The following DMRTB1 variants were observed in gnomAD, a reference collection of about 807,000 sequenced individuals.
The protein encoded by DMRTB1 is doublesex- and mab-3-related transcription factor B1.
In DMRTB1, 9 loss-of-function variants were observed where a neutral mutation model predicts 25.2. That is an observed-to-expected ratio of 0.36 (90% CI 0.22 to 0.62). The LOEUF (loss-of-function observed/expected upper bound fraction) is 0.62, where lower values mean the gene tolerates loss of function less well. Among genes scored for constraint, DMRTB1 ranks in the 20% least tolerant of loss-of-function variants. The pLI, the probability that DMRTB1 is intolerant of heterozygous loss-of-function variation, is 0.71. For synonymous variants in DMRTB1, 269 were observed against 238.1 expected (o/e 1.13, Z -1.20); for missense variants, 551 against 499.3 (o/e 1.10, Z -0.99).
At chr1:53,460,051 C>T (rs768103884) in intron 1 of DMRTB1, 21 bp downstream of exon 1, 4 of 1,541,698 alleles carry the variant, frequency 2.6e-6, no homozygotes, top group South Asian at 1.2e-5. Flanking sequence ...GCCTTGGTCC[C>T]GCGGTCGACT....
intron 1 of DMRTB1, among the ~76,000 whole-genome samples, chr1:53,460,998 C>T (rs1029978020): frequency 2.0e-5 from 3 of 152,204 alleles, no homozygotes; most frequent in African/African-American, 7.2e-5. Flanking sequence ...TCCATCTCAA[C>T]AGACAAGCAG....
chr1:53,461,464 G>A lies in DMRTB1; in HGVS notation c.578-9G>A. ...GTCTAACACTTCCCTCCTTGCTTGC[G>A]TTCTTTAGTGCGCCCTCTGAACATC... On this transcript the variant is annotated splice_polypyrimidine_tract_variant and intron_variant, in intron 1 of 3. Coordinates refer to ENST00000371445, the MANE Select transcript of DMRTB1 (RefSeq NM_033067.3). The A allele has an allele frequency of 1.3e-6, 2 of 1,568,544 alleles. No individual in the cohort carries two copies. The highest frequency in any genetic ancestry group is 1.7e-6 in the Non-Finnish European group (2 of 1,154,726).
intron 3 of DMRTB1, among the ~76,000 whole-genome samples, chr1:53,466,360 G>A (rs999237777): frequency 2.6e-5 from 4 of 152,080 alleles, no homozygotes; most frequent in African/African-American, 7.2e-5. Flanking sequence ...GCATGTTGGC[G>A]GGTGCCTGTA....
chr1:53,461,784 T>A, intron 2 of DMRTB1, 139 bp downstream of exon 2: 2 of 1,052,430 alleles, frequency 1.9e-6, no homozygotes, highest in Non-Finnish European at 2.6e-6. Context: ...GGTGGAGGAC[T>A]AGGCACTGCC....
chr1:53,466,020 T>C (rs765584709), intron 3 of DMRTB1, among the ~76,000 whole-genome samples: 9 of 152,244 alleles, frequency 5.9e-5, no homozygotes, highest in Non-Finnish European at 1.2e-4. Context: ...GAAGCTGAGG[T>C]TCAGAGCTGT....
rs1187917662 is a variant in DMRTB1 at position 53,459,544 on chromosome 1, C to A, written c.91C>A (p.Arg31Ser). The change falls in exon 1 of 4, where the codon CGC becomes AGC. Residue 31 changes from arginine to serine, a missense_variant. Coordinates refer to ENST00000371445, the MANE Select transcript of DMRTB1 (RefSeq NM_033067.3). ...VPVKGHAGKC[R>S]WKQCLCEKCY... is the part of the protein sequence containing the mutation. Reference sequence around the variant, plus strand: ...CGTCAAGGGACACGCGGGCAAATGCCGCTGGAAGCAGTGCCTCTGCGAGAA... The same window carrying A: ...CGTCAAGGGACACGCGGGCAAATGCAGCTGGAAGCAGTGCCTCTGCGAGAA... 4 of 1,612,446 alleles carry A rather than the reference C, an allele frequency of 2.5e-6. No individual in the cohort carries two copies. The highest frequency in any genetic ancestry group is 3.4e-6 in the Non-Finnish European group (4 of 1,179,760).
intron 1 of DMRTB1, 67 bp from the exon 2 acceptor site, chr1:53,461,406 C>T: frequency 6.7e-7 from 1 of 1,481,714 alleles, no homozygotes. Context: ...CCCCGCCGCC[C>T]TGGGCCGCCC....
Position 53,459,725 on chromosome 1 carries a change from C to G in DMRTB1, c.272C>G (p.Pro91Arg). 3 of 1,371,818 alleles carry G rather than the reference C, an allele frequency of 2.2e-6. No individual in the cohort carries two copies. Among genetic ancestry groups the G allele is most frequent in the Non-Finnish European group, 1.9e-6 (2 of 1,066,070 alleles). 85.0% of individuals were successfully genotyped at this position (1,371,818 alleles called of 1,614,324 possible). A position where few individuals can be genotyped will look rare whatever the true frequency, so the allele number is the denominator to read the frequency against. The stretch of plus-strand genomic sequence containing the variant: ...GCCGCCCCCGCCCCCGTCCCCGTCC[C>G]GGCCGCGAGCCTCCGCCCGCTGTCC... ...AAAAPAPVPV[P>R]AASLRPLSPG... Residue 91 changes from proline (P) to arginine (R), a missense_variant, in exon 1 of 4, where the codon CCG (proline) becomes CGG (arginine). Transcript: ENST00000371445.
chr1:53,464,001 A>C (rs1007377226), intron 2 of DMRTB1, among the ~76,000 whole-genome samples: 8 of 152,196 alleles, frequency 5.3e-5, no homozygotes, highest in African/African-American at 1.9e-4. Context: ...AATGTTCATC[A>C]GTGAGGCCAC....
At chr1:53,461,850 G>A (rs1644024847) in intron 2 of DMRTB1, among the ~76,000 whole-genome samples, 1 of 152,174 alleles carries the variant, frequency 6.6e-6, no homozygotes, top group South Asian at 2.1e-4. Flanking sequence ...TGCACCACTC[G>A]GCTTGGGCTA....
At chr1:53,460,148 C>T in intron 1 of DMRTB1, 118 bp downstream of exon 1, 1 of 1,322,356 alleles carries the variant, frequency 7.6e-7, no homozygotes, top group Non-Finnish European at 9.8e-7. Context: ...GGTAACGGAC[C>T]TTCCGCTTTG....
intron 2 of DMRTB1, among the ~76,000 whole-genome samples, chr1:53,463,346 C>G (rs985921629): frequency 6.6e-6 from 1 of 152,192 alleles, no homozygotes; most frequent in African/African-American, 2.4e-5. Context: ...CAGGACAGCA[C>G]TGGCCCTGGA....
intron 2 of DMRTB1, among the ~76,000 whole-genome samples, chr1:53,462,837 A>G (rs1472982764): frequency 1.3e-5 from 2 of 152,212 alleles, no homozygotes; most frequent in African/African-American, 4.8e-5. Flanking sequence ...GACTCACACC[A>G]GCACTGCTGC....
At chr1:53,463,689 C>G (rs994669605) in intron 2 of DMRTB1, among the ~76,000 whole-genome samples, 2 of 152,232 alleles carry the variant, frequency 1.3e-5, no homozygotes, top group Middle Eastern at 3.4e-3. Context: ...ATGTGGGGAG[C>G]AGTATATGGG....
At position 53,461,560 on chromosome 1, in the gene DMRTB1, T is replaced by C; in HGVS notation, c.665T>C (p.Leu222Pro). ...SSMHPYCPFP[L>P]GYLDAPPGVP... ...ATGCACCCCTACTGCCCGTTCCCGC[T>C]GGGCTACCTGGACGCCCCTCCTGGC... The change falls in exon 2 of 4, where the codon CTG becomes CCG. Residue 222 changes from leucine (L) to proline (P), a missense_variant. Leu to Pro is a moderately conservative substitution (Grantham distance 98). Transcript: ENST00000371445. The C allele has an allele frequency of 6.2e-7, 1 of 1,612,140 alleles. No individual in the cohort carries two copies. The highest frequency in any genetic ancestry group is 8.5e-7 in the Non-Finnish European group (1 of 1,179,240).
chr1:53,461,539 A>G lies in DMRTB1; in HGVS notation c.644A>G (p.His215Arg). 6.2e-7 allele frequency: 1 copy of G among 1,611,024 alleles called. No homozygotes were observed. The highest frequency in any genetic ancestry group is 8.5e-7 in the Non-Finnish European group (1 of 1,178,740). Residue 215 changes from histidine (H) to arginine (R), a missense_variant, in exon 2 of 4, where the codon CAC (histidine) becomes CGC (arginine). Transcript: ENST00000371445. ...GAGTACCCTGGTGGCTCCAGCATGC[A>G]CCCCTACTGCCCGTTCCCGCTGGGC... Reference protein sequence around the residue: ...GPEYPGGSSMHPYCPFPLGYL... With the variant: ...GPEYPGGSSMRPYCPFPLGYL...
chr1:53,461,672 A>C, intron 2 of DMRTB1, 27 bp downstream of exon 2: 4 of 1,523,400 alleles, frequency 2.6e-6, no homozygotes, highest in Non-Finnish European at 3.5e-6. Flanking sequence ...ACTTCTTGCC[A>C]GCTTCCTCCA....
chr1:53,462,873 C>T (rs1299765526), intron 2 of DMRTB1, among the ~76,000 whole-genome samples: 1 of 152,268 alleles, frequency 6.6e-6, no homozygotes, highest in Non-Finnish European at 1.5e-5. Context: ...GGGCACTGCC[C>T]AGGGAGAGCC....
chr1:53,461,342 C>G, intron 1 of DMRTB1, 131 bp from the exon 2 acceptor site: 1 of 931,586 alleles, frequency 1.1e-6, no homozygotes, highest in Admixed American at 3.0e-5. Context: ...AGTGAGGGCC[C>G]AGCGGAAGGA....
Sources: allele counts gnomAD v4.1 joint callset (sites outside exome capture counted in the v4.1 genomes callset), GRCh38; gene constraint gnomAD v4.1.1; transcripts MANE v1.5; gene names NCBI Gene and HGNC (gene_info 2026-07-23, HGNC 2026-07-21).